ARHGAP44: variants seen among roughly 807,000 people sequenced by gnomAD.
The protein encoded by ARHGAP44 is rho GTPase-activating protein 44.
ARHGAP44 carries 43 observed loss-of-function variants against 106.8 expected under a neutral mutation model. The ratio of observed to expected loss-of-function variants is 0.40; its 90% CI spans 0.32 to 0.52. The LOEUF (loss-of-function observed/expected upper bound fraction) is 0.52. Among genes scored for constraint, ARHGAP44 ranks in the 20% least tolerant of loss-of-function variants. The pLI is 0.48. For missense variants in ARHGAP44, 866 were observed against 1,050.5 expected (o/e 0.82, Z 2.43); for synonymous variants, 439 against 410.3 (o/e 1.07, Z -0.85).
At chr17:12,814,224 C>G (rs1285500345) in intron 1 of ARHGAP44, among the ~76,000 whole-genome samples, 4 of 150,484 alleles carry the variant, frequency 2.7e-5, no homozygotes, top group Non-Finnish European at 5.9e-5. Flanking sequence ...GCAGCCACCT[C>G]CCAAACTGGT....
intron 7 of ARHGAP44, chr17:12,929,286 G>A: frequency 2.7e-6 from 1 of 375,600 alleles, no homozygotes. Context: ...TGCATGCTAG[G>A]CAAAGAGGAA....
Position 12,974,292 on chromosome 17 carries a change from C to A in ARHGAP44, c.1745C>A (p.Pro582His). 1 of 1,447,840 alleles carries A rather than the reference C, an allele frequency of 6.9e-7. No homozygotes were observed. The highest frequency in any genetic ancestry group is 9.0e-7 in the Non-Finnish European group (1 of 1,107,280). 89.7% of individuals were successfully genotyped at this position (1,447,840 alleles called of 1,614,324 possible). Reference protein sequence around the residue: ...ALSPSGLGLQPGPERTSTTKS... With the variant: ...ALSPSGLGLQHGPERTSTTKS... Reference sequence around the variant, plus strand: ...TCTCCATCCGGCCTGGGCCTCCAGCCTGGGCCCGAGCGCACCAGGTAAGCG... The same window carrying A: ...TCTCCATCCGGCCTGGGCCTCCAGCATGGGCCCGAGCGCACCAGGTAAGCG... Residue 582 changes from proline to histidine, a missense_variant, in exon 18 of 21, where the codon CCT becomes CAT. By Grantham distance (77) the Pro-to-His change is moderately conservative (BLOSUM62 -2). This residue lies in a region of ARHGAP44 where 418 missense variants were observed against 403.6 expected (regional missense o/e 1.04). Transcript: ENST00000379672.
chr17:12,957,264 C>A (rs781492826), intron 15 of ARHGAP44, among the ~76,000 whole-genome samples: 2 of 152,200 alleles, frequency 1.3e-5, no homozygotes, highest in Non-Finnish European at 2.9e-5. Flanking sequence ...GGCCTGTAAT[C>A]TCTATTTCAA....
At chr17:12,822,748 C>A (rs950469857) in intron 1 of ARHGAP44, among the ~76,000 whole-genome samples, 1 of 152,144 alleles carries the variant, frequency 6.6e-6, no homozygotes, top group African/African-American at 2.4e-5. Flanking sequence ...CCTTGCCTGG[C>A]TACTCCACTG....
Position 12,984,850 on chromosome 17 carries a change from A to C in ARHGAP44, c.2259A>C (p.Pro753=). The part of the protein sequence containing the change: ...PPTVNLSASS[P]QSTEAPMLDG... ...CAGTAAACCTCTCGGCCTCTAGTCC[A>C]CAGTCCACGGAGGCCCCCATGCTAG... is the stretch of plus-strand genomic sequence containing the variant. The change falls in exon 20 of 21, where the codon CCA becomes CCC. Residue 753 remains proline, a synonymous_variant. Transcript: ENST00000379672. 6.2e-7 allele frequency: 1 copy of C among 1,613,982 alleles called. No individual in the cohort carries two copies. The highest frequency in any genetic ancestry group is 1.7e-5 in the Admixed American group (1 of 60,028).
At chr17:12,980,409 C>T (rs2039803042) in intron 19 of ARHGAP44, among the ~76,000 whole-genome samples, 176 bp downstream of exon 19, 1 of 152,176 alleles carries the variant, frequency 6.6e-6, no homozygotes, top group African/African-American at 2.4e-5. Flanking sequence ...TATTATTCCT[C>T]AGTTTACTTA....
At chr17:12,969,505 T>C (rs2039474539) in intron 16 of ARHGAP44, among the ~76,000 whole-genome samples, 1 of 152,198 alleles carries the variant, frequency 6.6e-6, no homozygotes, top group Non-Finnish European at 1.5e-5. Flanking sequence ...AACTCCTCCA[T>C]ATTATAGAGT....
intron 18 of ARHGAP44, among the ~76,000 whole-genome samples, chr17:12,979,519 A>G (rs944079729): frequency 1.3e-5 from 2 of 152,008 alleles, no homozygotes; most frequent in Non-Finnish European, 2.9e-5. Context: ...ATGGGTATTG[A>G]GTTTGAGGAT....
chr17:12,863,743 A>G (rs778948793), intron 1 of ARHGAP44, among the ~76,000 whole-genome samples: 4 of 152,202 alleles, frequency 2.6e-5, no homozygotes, highest in South Asian at 2.1e-4. Context: ...GGCTATTCTT[A>G]TCTAATGCTC....
intron 8 of ARHGAP44, 26 bp downstream of exon 8, chr17:12,941,150 C>CT (rs1298460215): frequency 6.2e-7 from 1 of 1,604,068 alleles, no homozygotes; most frequent in Non-Finnish European, 8.5e-7. Context: ...GGTGAGATTG[C>CT]TTAAAGGCTG....
intron 1 of ARHGAP44, among the ~76,000 whole-genome samples, chr17:12,877,048 G>C (rs2036579327): frequency 6.6e-6 from 1 of 152,072 alleles, no homozygotes; most frequent in Non-Finnish European, 1.5e-5. Flanking sequence ...AAGAGGATTT[G>C]ACAGTTTTGT....
At chr17:12,848,042 T>C (rs1388521675) in intron 1 of ARHGAP44, among the ~76,000 whole-genome samples, 1 of 152,210 alleles carries the variant, frequency 6.6e-6, no homozygotes, top group East Asian at 1.9e-4. Flanking sequence ...CATTTCTCTT[T>C]GGAGCAGAGG....
intron 3 of ARHGAP44, among the ~76,000 whole-genome samples, chr17:12,902,552 C>A (rs867199072): frequency 3.3e-5 from 5 of 152,180 alleles, no homozygotes; most frequent in Non-Finnish European, 7.3e-5. Context: ...TAAAAAAGAG[C>A]CTGCCCCAGC....
At chr17:12,838,925 T>G (rs2150825615) in intron 1 of ARHGAP44, among the ~76,000 whole-genome samples, 1 of 152,284 alleles carries the variant, frequency 6.6e-6, no homozygotes, top group South Asian at 2.1e-4. Context: ...CAGGCTAGTC[T>G]GGAACTCCTG....
At chr17:12,877,675 G>A (rs898121588) in intron 1 of ARHGAP44, among the ~76,000 whole-genome samples, 8 of 152,090 alleles carry the variant, frequency 5.3e-5, no homozygotes, top group East Asian at 1.9e-4. Context: ...GCATGAACCC[G>A]GGAGGCGGAG....
At chr17:12,798,830 G>A (rs1294900842) in intron 1 of ARHGAP44, among the ~76,000 whole-genome samples, 1 of 152,140 alleles carries the variant, frequency 6.6e-6, no homozygotes, top group Non-Finnish European at 1.5e-5. Context: ...AACTTTCCAA[G>A]GGTGTTTTCT....
chr17:12,938,582 T>TAA (rs67037408), intron 7 of ARHGAP44, among the ~76,000 whole-genome samples: 7 of 127,000 alleles, frequency 5.5e-5, no homozygotes, highest in Admixed American at 8.0e-5. Flanking sequence ...AGCTATATAT[T>TAA]AAAAAAAAAA....
intron 1 of ARHGAP44, among the ~76,000 whole-genome samples, chr17:12,891,956 C>T (rs545431139): frequency 1.4e-4 from 19 of 136,190 alleles, no homozygotes; most frequent in South Asian, 5.3e-4. Context: ...CCACCACGCC[C>T]GGCTAATTTT....
intron 10 of ARHGAP44, among the ~76,000 whole-genome samples, chr17:12,944,630 C>T (rs866930487): frequency 5.3e-5 from 8 of 150,406 alleles, no homozygotes; most frequent in East Asian, 2.0e-4. Context: ...GGACTACAGG[C>T]GTGTGCCACC....
Sources: gnomAD v4.1 joint callset for allele counts (sites outside exome capture counted in the v4.1 genomes callset) on GRCh38, gnomAD v4.1.1 for gene constraint, gnomAD v4.1.1 regional missense constraint, MANE v1.5 for transcripts, NCBI Gene and HGNC (gene_info 2026-07-23, HGNC 2026-07-21) for gene names.